Variants in MARCHF7 observed in about 807,000 individuals in gnomAD.
MARCHF7 encodes the protein membrane associated ring-CH-type finger 7, also known as E3 ubiquitin-protein ligase MARCHF7.
In MARCHF7, 20 loss-of-function variants were observed where a neutral mutation model predicts 76.5. The ratio of observed to expected loss-of-function variants is 0.26; its 90% CI spans 0.18 to 0.38. MARCHF7 has a LOEUF of 0.38. Ranked by LOEUF, MARCHF7 falls within the 10% of genes least tolerant of loss-of-function variation. The pLI is 1.00. For missense variants in MARCHF7, 797 were observed against 812.9 expected (o/e 0.98, Z 0.24); for synonymous variants, 295 against 293.0 (o/e 1.01, Z -0.07).
intron 4 of MARCHF7, among the ~76,000 whole-genome samples, chr2:159,739,039 G>A (rs905549653): frequency 3.9e-5 from 6 of 152,170 alleles, no homozygotes; most frequent in Admixed American, 1.3e-4. Context: ...CCAAGCATGC[G>A]CATACACACC....
intron 4 of MARCHF7, among the ~76,000 whole-genome samples, chr2:159,740,647 T>C (rs962362863): frequency 6.6e-6 from 1 of 152,198 alleles, no homozygotes; most frequent in Non-Finnish European, 1.5e-5. Context: ...CTCCAGTTCA[T>C]TGATTGGGTG....
intron 2 of MARCHF7, among the ~76,000 whole-genome samples, chr2:159,714,983 A>G (rs1700871556): frequency 2.0e-5 from 3 of 152,236 alleles, no homozygotes; most frequent in Admixed American, 2.0e-4. Context: ...GTGTTCCTTA[A>G]CAAAATAAAA....
At chr2:159,743,750 A>AGC (rs1560010990) in intron 5 of MARCHF7, among the ~76,000 whole-genome samples, 1 of 131,716 alleles carries the variant, frequency 7.6e-6, no homozygotes, top group Non-Finnish European at 1.6e-5. Context: ...AAAAAAAAAA[A>AGC]GAGAGAATTA....
At chr2:159,755,657 T>C (rs976574054) in intron 8 of MARCHF7, among the ~76,000 whole-genome samples, 2 of 152,150 alleles carry the variant, frequency 1.3e-5, no homozygotes, top group African/African-American at 4.8e-5. Flanking sequence ...TTTACTGATA[T>C]TAGACCACGA....
intron 8 of MARCHF7, among the ~76,000 whole-genome samples, chr2:159,754,579 A>C (rs562926297): frequency 6.6e-6 from 1 of 152,238 alleles, no homozygotes; most frequent in South Asian, 2.1e-4. Context: ...GATCACAAGA[A>C]GTGTTTTTGT....
intron 11 of MARCHF7, among the ~76,000 whole-genome samples, chr2:159,765,345 T>A (rs1316250266): frequency 6.6e-6 from 1 of 152,060 alleles, no homozygotes; most frequent in Non-Finnish European, 1.5e-5. Context: ...AATTCTCAAA[T>A]CTCTACAGGC....
rs72994700 is a variant in MARCHF7, at chr2:159,723,451, G to C, written c.-14-5558G>C. ...CTGTTCTGGGCAAGTGGGGAAATATGGTCATCCTGCTTCTAAGGAAAAGAG... is the reference window on the plus strand; with the variant it reads ...CTGTTCTGGGCAAGTGGGGAAATATCGTCATCCTGCTTCTAAGGAAAAGAG... On this transcript the variant is annotated intron_variant, in intron 3 of 11. Coordinates refer to ENST00000409175, the MANE Select transcript of MARCHF7 (RefSeq NM_001282805.2). 3.6e-3 allele frequency among the ~76,000 whole-genome samples: 548 copies of C among 152,258 alleles called. 4 individuals are homozygous for C. The highest frequency in any genetic ancestry group is 0.012 in the African/African-American group (515 of 41,544).
At chr2:159,742,700 C>T (rs916208630) in intron 4 of MARCHF7, among the ~76,000 whole-genome samples, 1 of 151,986 alleles carries the variant, frequency 6.6e-6, no homozygotes, top group Non-Finnish European at 1.5e-5. Context: ...GTAATCCCAG[C>T]GGCCGAGGCA....
chr2:159,714,833 T>G (rs1181300276), intron 2 of MARCHF7, among the ~76,000 whole-genome samples: 1 of 152,056 alleles, frequency 6.6e-6, no homozygotes, highest in Non-Finnish European at 1.5e-5. Context: ...GAACGATCAT[T>G]TTGAGCTCAC....
In MARCHF7 at chr2:159,743,134, C is replaced by T. The variant is rs1436911307; in HGVS notation, c.227C>T (p.Ala76Val). 8 of 1,613,996 alleles carry T rather than the reference C, an allele frequency of 5.0e-6. No homozygotes were observed. Among genetic ancestry groups the T allele is most frequent in the Admixed American group, 1.7e-5 (1 of 59,998 alleles). The change falls in exon 5 of 12, where the codon GCA (alanine) becomes GTA (valine). Residue 76 changes from alanine to valine, a missense_variant. By Grantham distance (64) the Ala-to-Val change is moderately conservative. Around this residue, in one of 3 missense-constraint regions of MARCHF7, gnomAD observed 643 missense variants for 631.5 expected, o/e 1.02. Coordinates refer to ENST00000409175, the MANE Select transcript of MARCHF7 (RefSeq NM_001282805.2). Reference sequence around the variant, plus strand: ...AGTGAATCTGAGATAACTCAGGGAGCACGCTCAAGATCGCAGAACCAGCAA... The same window carrying T: ...AGTGAATCTGAGATAACTCAGGGAGTACGCTCAAGATCGCAGAACCAGCAA... ...WYSESEITQG[A>V]RSRSQNQQRD...
intron 4 of MARCHF7, among the ~76,000 whole-genome samples, chr2:159,731,411 C>T (rs940530652): frequency 2.6e-5 from 4 of 151,992 alleles, no homozygotes; most frequent in African/African-American, 4.8e-5. Flanking sequence ...AAGATATGAC[C>T]GTTTTCAAAC....
rs1174737972 is a variant in MARCHF7 at position 159,743,108 on chromosome 2, T to C, written c.201T>C (p.Tyr67=). 1 of 1,614,188 alleles carries C rather than the reference T, an allele frequency of 6.2e-7. No individual in the cohort carries two copies. Among genetic ancestry groups the C allele is most frequent in the Middle Eastern group, 1.6e-4 (1 of 6,062 alleles). ...CGTCACCATTTCAATCTGCATGGTA[T>C]AGTGAATCTGAGATAACTCAGGGAG... ...ASASPFQSAW[Y]SESEITQGAR... The change falls in exon 5 of 12, where the codon TAT becomes TAC. Residue 67 remains tyrosine (Y), a synonymous_variant. Coordinates refer to ENST00000409175, the MANE Select transcript of MARCHF7 (RefSeq NM_001282805.2).
intron 4 of MARCHF7, among the ~76,000 whole-genome samples, chr2:159,739,871 A>G (rs565622020): frequency 1.8e-4 from 27 of 152,328 alleles, no homozygotes; most frequent in African/African-American, 6.0e-4. Context: ...CATATAATCT[A>G]CATGTTGTGT....
chr2:159,762,611 G>T (rs1050814353), intron 9 of MARCHF7, among the ~76,000 whole-genome samples: 1 of 152,030 alleles, frequency 6.6e-6, no homozygotes, highest in Non-Finnish European at 1.5e-5. Context: ...GAAAACCAAA[G>T]CATTCATTCC....
At chr2:159,732,986 G>C (rs1295525909) in intron 4 of MARCHF7, 1 of 918,630 alleles carries the variant, frequency 1.1e-6, no homozygotes, top group Non-Finnish European at 1.3e-6. Flanking sequence ...TGAAGCACTT[G>C]GAACAGTGCC....
Position 159,769,150 on chromosome 2 carries a change from A to G in MARCHF7, c.*1808A>G, listed in dbSNP as rs1220243856. 1.3e-5 allele frequency: 2 copies of G among 152,214 alleles called. No homozygotes were observed. The highest frequency in any genetic ancestry group is 2.1e-4 in the South Asian group (1 of 4,834). 9.4% of individuals were successfully genotyped at this position (152,214 alleles called of 1,614,324 possible). A position where few individuals can be genotyped will look rare whatever the true frequency, so the allele number is the denominator to read the frequency against. ...ATACACTGCTCACTACAAGAATGCA[A>G]TTTTCTAAGAAAATGTAGTTTAAAA... On this transcript the variant is annotated 3_prime_UTR_variant, in exon 12 of 12. Transcript: ENST00000409175.
chr2:159,727,924 T>C (rs755896513), intron 3 of MARCHF7, among the ~76,000 whole-genome samples: 23 of 152,246 alleles, frequency 1.5e-4, no homozygotes, highest in Non-Finnish European at 2.9e-4. Flanking sequence ...TGGAAATTAT[T>C]AATCTATAAA....
rs775893556 is a variant in MARCHF7 at position 159,770,707 on chromosome 2, C to G, written c.*3365C>G. On this transcript the variant is annotated 3_prime_UTR_variant, in exon 12 of 12. Transcript: ENST00000409175. ...ATTTAGATACACAAATATTGTGTTA[C>G]AATTGTCTGCAGTATTCAGCACAGT... is the stretch of plus-strand genomic sequence containing the variant. 1 of 152,040 alleles carries G rather than the reference C, an allele frequency of 6.6e-6. No individual in the cohort carries two copies. Among genetic ancestry groups the G allele is most frequent in the Non-Finnish European group, 1.5e-5 (1 of 67,984 alleles). The allele number at this position is 152,040 out of a possible 1,614,324, so 9.4% of individuals were successfully genotyped here. A position where few individuals can be genotyped will look rare whatever the true frequency, so the allele number is the denominator to read the frequency against.
rs1574208398 is a variant in MARCHF7, at chr2:159,722,756, A to T, written c.-14-6253A>T. Among the ~76,000 whole-genome samples the T allele has an allele frequency of 2.6e-5, 4 of 152,022 alleles. No homozygotes were observed. In the South Asian group the frequency reaches 8.3e-4, roughly 31 times the overall value. ...CCTACAACTTACGCAACCAAATTAC[A>T]TAAGTTTTCATGTAACACCTACATT... On this transcript the variant is annotated intron_variant, in intron 3 of 11. Transcript: ENST00000409175.
Sources: allele counts gnomAD v4.1 joint callset (sites outside exome capture counted in the v4.1 genomes callset), GRCh38; gene constraint gnomAD v4.1.1; regional missense constraint gnomAD v4.1.1; transcripts MANE v1.5; gene names NCBI Gene and HGNC (gene_info 2026-07-23, HGNC 2026-07-21).